Variants in IL18R1 observed in about 807,000 individuals in gnomAD.
The protein encoded by IL18R1 is interleukin 18 receptor 1, also known as interleukin-18 receptor 1.
In IL18R1, 40 loss-of-function variants were observed where a neutral mutation model predicts 48.5. The observed-to-expected ratio is 0.82, with a 90% CI of 0.64 to 1.07. IL18R1 has a LOEUF of 1.07. IL18R1 is among the 50% of genes least tolerant of loss of function. The pLI is 0.00. For synonymous variants in IL18R1, 232 were observed against 225.9 expected (o/e 1.03, Z -0.24); for missense variants, 596 against 633.7 (o/e 0.94, Z 0.64).
Position 102,390,203 on chromosome 2 carries a change from A to C in IL18R1, c.1097A>C (p.Asp366Ala), listed in dbSNP as rs745431033. 2.4e-5 allele frequency: 38 copies of C among 1,613,816 alleles called. No individual in the cohort carries two copies. The highest frequency in any genetic ancestry group is 3.2e-5 in the Non-Finnish European group (38 of 1,179,828). ...TTTTATAGACATTTAACGAGAAGAG[A>C]TGAAACATTAACAGGTAACACATAT... ...VLFYRHLTRRDETLTDGKTYD... is the reference protein window; with the variant it reads ...VLFYRHLTRRAETLTDGKTYD... The change falls in exon 9 of 11, where the codon GAT becomes GCT. Residue 366 changes from aspartate (D) to alanine (A), a missense_variant. Asp to Ala is a moderately radical substitution (Grantham distance 126, BLOSUM62 -2). Coordinates refer to ENST00000233957, the MANE Select transcript of IL18R1 (RefSeq NM_003855.5).
At chr2:102,367,120 A>G (rs1185512084) in intron 2 of IL18R1, among the ~76,000 whole-genome samples, 1 of 152,190 alleles carries the variant, frequency 6.6e-6, no homozygotes, top group Admixed American at 6.5e-5. Context: ...GGGAACGAGC[A>G]CCTATCCTGG....
Position 102,394,479 on chromosome 2 carries a change from A to G in IL18R1, c.1122A>G (p.Thr374=), listed in dbSNP as rs1680716036. The change falls in exon 10 of 11, where the codon ACA becomes ACG. Residue 374 remains threonine, a synonymous_variant. Transcript: ENST00000233957. ...AATCTTACCTCCTAGATGGAAAAAC[A>G]TATGATGCTTTTGTGTCTTACCTAA... ...RRDETLTDGK[T]YDAFVSYLKE... is the part of the protein sequence containing the mutation. The G allele has an allele frequency of 1.2e-6, 2 of 1,610,452 alleles. No individual in the cohort carries two copies. The highest frequency in any genetic ancestry group is 1.7e-6 in the Non-Finnish European group (2 of 1,177,958).
chr2:102,372,732 T>C (rs960291412), intron 4 of IL18R1, among the ~76,000 whole-genome samples: 7 of 152,226 alleles, frequency 4.6e-5, no homozygotes, highest in African/African-American at 1.7e-4. Context: ...GCTTTCAGTT[T>C]TTATGTGCCT....
In IL18R1 at chr2:102,396,849, A is replaced by G; in HGVS notation, c.1589A>G (p.Asp530Gly). 1 of 1,603,834 alleles carries G rather than the reference A, an allele frequency of 6.2e-7. No homozygotes were observed. The highest frequency in any genetic ancestry group is 1.1e-5 in the South Asian group (1 of 88,800). The change falls in exon 11 of 11, where the codon GAC (aspartate) becomes GGC (glycine). Residue 530 changes from aspartate (D) to glycine (G), a missense_variant. Physicochemically the swap from Asp to Gly is moderately conservative, Grantham distance 94. Transcript: ENST00000233957. ...GCAAAAACAGTCAAGCCAGGTAGAG[A>G]CGAACCGGAAGTCTTGCCTGTTCTT... ...MPAKTVKPGR[D>G]EPEVLPVLSE...
At chr2:102,388,196 C>G (rs1377833110) in intron 8 of IL18R1, among the ~76,000 whole-genome samples, 1 of 152,184 alleles carries the variant, frequency 6.6e-6, no homozygotes, top group East Asian at 1.9e-4. Flanking sequence ...GCAGCTCCCC[C>G]AGCACACATG....
chr2:102,396,498 CTTAAA>C (rs761380389), intron 10 of IL18R1, 28 bp from the exon 11 acceptor site: 1 of 1,305,460 alleles, frequency 7.7e-7, no homozygotes, highest in African/African-American at 1.5e-5. Flanking sequence ...TTTCAGTTAT[CTTAAA>C]TTAATAGGGG....
rs374036509 is a variant in IL18R1, at chr2:102,356,925, TCAGA to T, written c.-29+528_-29+531del. On this transcript the variant is annotated intron_variant, in intron 1 of 10. Coordinates refer to ENST00000233957, the MANE Select transcript of IL18R1 (RefSeq NM_003855.5). ...TGCCCAGCACCTTGCATCGCAGTTATCAGACAAATTAATGAGGTGTCAATTGCAG... is the reference window on the plus strand; with the variant it reads ...TGCCCAGCACCTTGCATCGCAGTTATCAAATTAATGAGGTGTCAATTGCAG... Among the ~76,000 whole-genome samples the T allele has an allele frequency of 3.8e-3, 586 of 152,280 alleles. 3 individuals are homozygous for T. The highest frequency in any genetic ancestry group is 0.013 in the African/African-American group (538 of 41,544).
chr2:102,393,958 G>A (rs879886484), intron 9 of IL18R1, among the ~76,000 whole-genome samples: 10 of 152,138 alleles, frequency 6.6e-5, no homozygotes, highest in Non-Finnish European at 1.5e-4. Context: ...GCATGCATCT[G>A]CTTTGCTTTT....
intron 4 of IL18R1, among the ~76,000 whole-genome samples, chr2:102,372,955 C>T (rs1679357781): frequency 6.6e-6 from 1 of 152,152 alleles, no homozygotes. Context: ...TCTTTTTCCT[C>T]ACACTATCAA....
intron 4 of IL18R1, among the ~76,000 whole-genome samples, chr2:102,375,359 T>C (rs1679513077): frequency 6.6e-6 from 1 of 152,180 alleles, no homozygotes; most frequent in African/African-American, 2.4e-5. Flanking sequence ...TACCTATGGA[T>C]TTGAATATTG....
intron 1 of IL18R1, among the ~76,000 whole-genome samples, chr2:102,356,799 A>C (rs987148683): frequency 1.3e-5 from 2 of 152,214 alleles, no homozygotes; most frequent in South Asian, 4.1e-4. Context: ...CATTTACCCA[A>C]GAGTATCCAG....
Position 102,375,910 on chromosome 2 carries a change from T to A in IL18R1, c.472T>A (p.Cys158Ser), listed in dbSNP as rs756959835. Residue 158 changes from cysteine to serine, a missense_variant, in exon 5 of 11, where the codon TGT (cysteine) becomes AGT (serine). Physicochemically the swap from Cys to Ser is moderately radical, Grantham distance 112 (BLOSUM62 -1). Around this residue, in one of 3 missense-constraint regions of IL18R1, gnomAD observed 360 missense variants for 339.4 expected, o/e 1.06. Transcript: ENST00000233957. ...LVNSTSLYKN[C>S]KKLLLENNKN... ...TAACTTGTTTTATTAAAAACAGAAC[T>A]GTAAAAAGCTACTACTGGAGAACAA... The A allele has an allele frequency of 1.3e-6, 2 of 1,564,864 alleles. No individual in the cohort carries two copies. Among genetic ancestry groups the A allele is most frequent in the Non-Finnish European group, 1.7e-6 (2 of 1,162,760 alleles).
At chr2:102,361,847 C>T (rs1210828144) in intron 1 of IL18R1, among the ~76,000 whole-genome samples, 2 of 152,168 alleles carry the variant, frequency 1.3e-5, no homozygotes, top group Admixed American at 6.5e-5. Flanking sequence ...ATCAGAACTC[C>T]GAATGCTAGG....
intron 5 of IL18R1, among the ~76,000 whole-genome samples, chr2:102,378,229 G>A (rs1330455556): frequency 2.0e-5 from 3 of 152,198 alleles, no homozygotes; most frequent in Non-Finnish European, 4.4e-5. Flanking sequence ...GTTGAATCAT[G>A]TCATATAATC....
chr2:102,361,252 G>A (rs919203248), intron 1 of IL18R1, among the ~76,000 whole-genome samples: 11 of 152,170 alleles, frequency 7.2e-5, no homozygotes, highest in Non-Finnish European at 1.2e-4. Flanking sequence ...GGTAGTGGGG[G>A]AGGTTTCAAA....
At chr2:102,357,956 G>A (rs1275100225) in intron 1 of IL18R1, among the ~76,000 whole-genome samples, 2 of 152,056 alleles carry the variant, frequency 1.3e-5, no homozygotes, top group South Asian at 2.1e-4. Context: ...TCATCTCACA[G>A]GCTGAGTAAA....
chr2:102,372,671 A>T (rs770877654), intron 4 of IL18R1, among the ~76,000 whole-genome samples: 10 of 152,030 alleles, frequency 6.6e-5, no homozygotes, highest in Non-Finnish European at 1.2e-4. Flanking sequence ...TTCCTCTAAG[A>T]ATTACGTTGT....
At chr2:102,368,165 C>T (rs1009965166) in intron 3 of IL18R1, 97 bp downstream of exon 3, 1 of 1,302,146 alleles carries the variant, frequency 7.7e-7, no homozygotes. Context: ...AGATAATCAC[C>T]ACATCCTTTT....
chr2:102,394,760 C>T lies in IL18R1; in HGVS notation c.1270+133C>T, dbSNP rs112908946. 1.4e-4 allele frequency: 88 copies of T among 609,756 alleles called. 1 individual carries two copies. Among genetic ancestry groups the T allele is most frequent in the African/African-American group, 7.3e-4 (39 of 53,764 alleles). The allele number at this position is 609,756 out of a possible 1,614,324, so 37.8% of individuals were successfully genotyped here. A position where few individuals can be genotyped will look rare whatever the true frequency, so the allele number is the denominator to read the frequency against. On this transcript the variant is annotated intron_variant, in intron 10 of 10. Coordinates refer to ENST00000233957, the MANE Select transcript of IL18R1 (RefSeq NM_003855.5). ...AGGTCCTTTAAGCAAGAAATAACCA[C>T]GTAAGTCAACAATCGATAGTGAGAA...
Sources: gnomAD v4.1 joint callset for allele counts (sites outside exome capture counted in the v4.1 genomes callset) on GRCh38, gnomAD v4.1.1 for gene constraint, gnomAD v4.1.1 regional missense constraint, MANE v1.5 for transcripts, NCBI Gene and HGNC (gene_info 2026-07-23, HGNC 2026-07-21) for gene names.